The following MIA2 variants were observed in gnomAD, a reference collection of about 807,000 sequenced individuals.
The protein encoded by MIA2 is MIA SH3 domain ER export factor 2.
Under a neutral mutation model 167.8 loss-of-function variants are expected in MIA2, and 127 were observed. That is an observed-to-expected ratio of 0.76 (90% CI 0.66 to 0.88). The LOEUF (loss-of-function observed/expected upper bound fraction) is 0.88, where lower values mean the gene tolerates loss of function less well. Ranked by LOEUF, MIA2 falls within the 40% of genes least tolerant of loss-of-function variation. MIA2 has a pLI of 0.00. For synonymous variants in MIA2, 552 were observed against 541.9 expected (o/e 1.02, Z -0.26); for missense variants, 1,690 against 1,624.7 (o/e 1.04, Z -0.69).
intron 9 of MIA2, 136 bp from the exon 10 acceptor site, chr14:39,290,883 A>T: frequency 1.3e-6 from 1 of 792,662 alleles, no homozygotes; most frequent in Non-Finnish European, 2.0e-6. Flanking sequence ...GATTTAAAAA[A>T]CTTAAAGCTA....
intron 6 of MIA2, among the ~76,000 whole-genome samples, chr14:39,267,794 C>A (rs972684337): frequency 6.6e-6 from 1 of 152,190 alleles, no homozygotes; most frequent in Admixed American, 6.5e-5. Flanking sequence ...GTAAATGTTT[C>A]CCGATTCCTA....
chr14:39,295,069 A>C (rs779324300), intron 13 of MIA2, 40 bp downstream of exon 13: 20 of 1,324,302 alleles, frequency 1.5e-5, no homozygotes, highest in Non-Finnish European at 1.9e-5. Context: ...GTGAATATGT[A>C]ATTATAGATG....
Position 39,266,488 on chromosome 14 carries a change from C to T in MIA2, c.1888-10446C>T, listed in dbSNP as rs7154759. 1.9e-4 allele frequency: 184 copies of T among 985,512 alleles called. No individual in the cohort carries two copies. In the African/African-American group the frequency reaches 3.0e-3, roughly 16 times the overall value. 61.0% of individuals were successfully genotyped at this position (985,512 alleles called of 1,614,324 possible). A position where few individuals can be genotyped will look rare whatever the true frequency, so the allele number is the denominator to read the frequency against. ...TTTGGGTAACTGGCCGCTAATGGAACTGAAGACAGCTGGGCCTAACAAGTG... is the reference window on the plus strand; with the variant it reads ...TTTGGGTAACTGGCCGCTAATGGAATTGAAGACAGCTGGGCCTAACAAGTG... On this transcript the variant is annotated intron_variant, in intron 6 of 28. Coordinates refer to ENST00000640607, the MANE Select transcript of MIA2 (RefSeq NM_001329214.4).
At chr14:39,370,343 T>C in intron 23 of MIA2, 1 of 203,278 alleles carries the variant, frequency 4.9e-6, no homozygotes, top group South Asian at 9.5e-5. Context: ...AAGGGTGAAG[T>C]AGATCCCCAG....
intron 18 of MIA2, among the ~76,000 whole-genome samples, chr14:39,312,928 G>A (rs917182690): frequency 6.6e-6 from 1 of 151,588 alleles, no homozygotes; most frequent in Non-Finnish European, 1.5e-5. Context: ...TACTTGCCTG[G>A]AAGCCTAATC....
chr14:39,372,849 C>T (rs2074974355), intron 23 of MIA2, among the ~76,000 whole-genome samples: 4 of 152,112 alleles, frequency 2.6e-5, no homozygotes, highest in Admixed American at 1.3e-4. Flanking sequence ...TGTAGTAATA[C>T]TTAAGACTAG....
At chr14:39,262,505 T>C (rs1012391993) in intron 6 of MIA2, among the ~76,000 whole-genome samples, 2 of 152,236 alleles carry the variant, frequency 1.3e-5, no homozygotes, top group African/African-American at 4.8e-5. Flanking sequence ...GTGGGCTCTT[T>C]TTGGTTCCAT....
chr14:39,269,050 G>C, intron 6 of MIA2: 6 of 790,756 alleles, frequency 7.6e-6, no homozygotes, highest in Non-Finnish European at 9.1e-6. Context: ...CTCTAGTCTG[G>C]TGCGTTGTAT....
chr14:39,349,044 C>T, intron 28 of MIA2, 67 bp downstream of exon 28: 2 of 1,540,354 alleles, frequency 1.3e-6, no homozygotes, highest in South Asian at 1.1e-5. Context: ...TTTAATTTTA[C>T]TATCTGTTAA....
chr14:39,292,996 T>A (rs1242327897), intron 10 of MIA2, among the ~76,000 whole-genome samples: 3 of 152,192 alleles, frequency 2.0e-5, no homozygotes, highest in Non-Finnish European at 4.4e-5. Flanking sequence ...CATGCTCATT[T>A]ATGTAGGTAT....
rs35564472 is a variant in MIA2 at position 39,247,135 on chromosome 14, C to A, written c.561C>A (p.Ile187=). Residue 187 remains isoleucine (I), a synonymous_variant, in exon 4 of 29, where the codon ATC becomes ATA. Transcript: ENST00000640607. ...QVPALEAPED[I]GSTSESKDWE... ...CAGCATTAGAGGCTCCTGAAGATATCGGAAGTACCAGTGAATCAAAAGACT... is the reference window on the plus strand; with the variant it reads ...CAGCATTAGAGGCTCCTGAAGATATAGGAAGTACCAGTGAATCAAAAGACT... 4 of 1,613,606 alleles carry A rather than the reference C, an allele frequency of 2.5e-6. No homozygotes were observed. Among genetic ancestry groups the A allele is most frequent in the South Asian group, 2.2e-5 (2 of 90,968 alleles).
At chr14:39,252,393 A>G (rs2054619800) in intron 4 of MIA2, among the ~76,000 whole-genome samples, 1 of 152,188 alleles carries the variant, frequency 6.6e-6, no homozygotes, top group Non-Finnish European at 1.5e-5. Context: ...GCCATGAGTC[A>G]AGGAATGCAG....
At chr14:39,379,314 C>T (rs1193984864) in intron 23 of MIA2, among the ~76,000 whole-genome samples, 5 of 152,028 alleles carry the variant, frequency 3.3e-5, no homozygotes, top group African/African-American at 1.2e-4. Context: ...TCTTATGCAC[C>T]CACCTCTTTC....
chr14:39,275,621 G>A (rs1011415033), intron 6 of MIA2, among the ~76,000 whole-genome samples: 5 of 152,224 alleles, frequency 3.3e-5, no homozygotes, highest in African/African-American at 1.2e-4. Context: ...TTGAGTTAGT[G>A]TGCGTCTTAT....
Position 39,321,027 on chromosome 14 carries a change from C to A in MIA2, c.3467C>A (p.Ser1156Ter). The A allele has an allele frequency of 6.2e-7, 1 of 1,613,490 alleles. No homozygotes were observed. Among genetic ancestry groups the A allele is most frequent in the South Asian group, 1.1e-5 (1 of 90,996 alleles). ...TTGTTGGAGGGTCCACTCAGACTCT[C>A]ACCTTTGCTTCCAGGGGGAGGAGGA... The part of the protein sequence containing the change: ...PTLLEGPLRL[S>*]PLLPGGGGRG... Residue 1156 changes from serine to a stop codon, truncating the protein, a stop_gained, in exon 24 of 29, where the codon TCA becomes TAA. Transcript: ENST00000640607. LOFTEE classifies it high-confidence loss of function.
intron 23 of MIA2, among the ~76,000 whole-genome samples, chr14:39,365,681 A>G (rs1259303584): frequency 1.4e-5 from 2 of 140,620 alleles, no homozygotes; most frequent in Admixed American, 6.8e-5. Context: ...CTATCTATCT[A>G]TCTATCTATC....
In MIA2 at chr14:39,294,036, G is replaced by C. The variant is rs770302342; in HGVS notation, c.2356G>C (p.Asp786His). The change falls in exon 12 of 29, where the codon GAT becomes CAT. Residue 786 changes from aspartate to histidine, a missense_variant. Transcript: ENST00000640607. ...DISKRIQSLE[D>H]ESKSLKSQVA... ...TTCAAAAAGGATACAGTCTCTAGAA[G>C]ATGAGTCAAAATCCCTCAAATCACA... The C allele has an allele frequency of 3.8e-5, 61 of 1,612,370 alleles. No homozygotes were observed. Among genetic ancestry groups the C allele is most frequent in the Non-Finnish European group, 5.2e-5 (61 of 1,179,080 alleles).
chr14:39,281,023 G>A (rs2058852240), intron 9 of MIA2, among the ~76,000 whole-genome samples: 1 of 144,564 alleles, frequency 6.9e-6, no homozygotes, highest in South Asian at 2.3e-4. Flanking sequence ...CCTGGACTCA[G>A]GTGATCCTCC....
chr14:39,248,761 A>G (rs2054422315), intron 4 of MIA2, among the ~76,000 whole-genome samples: 1 of 151,234 alleles, frequency 6.6e-6, no homozygotes, highest in Admixed American at 6.6e-5. Flanking sequence ...TTTTTTCCAG[A>G]CAGGGTCTCA....
Sources: gnomAD v4.1 joint callset for allele counts (sites outside exome capture counted in the v4.1 genomes callset) on GRCh38, gnomAD v4.1.1 for gene constraint, MANE v1.5 for transcripts, NCBI Gene and HGNC (gene_info 2026-07-23, HGNC 2026-07-21) for gene names.